Variants in FOXN3 observed in about 807,000 individuals in gnomAD.
FOXN3 encodes the protein forkhead box N3.
A neutral mutation model predicts 38.4 loss-of-function variants in FOXN3; 7 were observed. The observed-to-expected ratio is 0.18, with a 90% CI of 0.10 to 0.34. FOXN3 has a LOEUF of 0.34. FOXN3 is among the 10% of genes least tolerant of loss of function. The pLI, the probability that FOXN3 is intolerant of heterozygous loss-of-function variation, is 1.00. For missense variants in FOXN3, 456 were observed against 613.4 expected (o/e 0.74, Z 2.71); for synonymous variants, 230 against 242.2 (o/e 0.95, Z 0.47).
intron 4 of FOXN3, among the ~76,000 whole-genome samples, chr14:89,214,526 G>C (rs1054842409): frequency 9.2e-5 from 14 of 152,206 alleles, no homozygotes; most frequent in Non-Finnish European, 1.5e-4. Context: ...TTACTTTGGG[G>C]CACAAGAAGG....
At chr14:89,242,961 A>G (rs1385997739) in intron 4 of FOXN3, among the ~76,000 whole-genome samples, 1 of 152,222 alleles carries the variant, frequency 6.6e-6, no homozygotes, top group Non-Finnish European at 1.5e-5. Flanking sequence ...TAACAGCTTT[A>G]TTAAGGTGTA....
intron 3 of FOXN3, among the ~76,000 whole-genome samples, chr14:89,288,052 C>A (rs1011391470): frequency 2.0e-4 from 9 of 45,912 alleles, no homozygotes; most frequent in African/African-American, 5.1e-4. Context: ...CAGAGCAAGA[C>A]CCTGTCTCAA....
chr14:89,204,052 T>TAC (rs10559428), intron 4 of FOXN3, among the ~76,000 whole-genome samples: 3,660 of 133,668 alleles, frequency 0.027, 60 homozygotes, highest in South Asian at 0.045. Flanking sequence ...CATACTCCCT[T>TAC]ACACACACAC....
chr14:89,253,709 G>GCCTCCT (rs903042090), intron 4 of FOXN3, among the ~76,000 whole-genome samples: 1 of 151,716 alleles, frequency 6.6e-6, no homozygotes, highest in African/African-American at 2.4e-5. Context: ...TAAATCTTTG[G>GCCTCCT]CCTCCTCCTC....
chr14:89,505,009 G>A (rs962471025), intron 1 of FOXN3, among the ~76,000 whole-genome samples: 1 of 152,136 alleles, frequency 6.6e-6, no homozygotes, highest in Admixed American at 6.5e-5. Flanking sequence ...CTCCATCCTG[G>A]TCAGCGAAAT....
At chr14:89,584,398 C>T (rs573210965) in intron 1 of FOXN3, among the ~76,000 whole-genome samples, 1 of 152,012 alleles carries the variant, frequency 6.6e-6, no homozygotes, top group African/African-American at 2.4e-5. Context: ...GAAACTCCAT[C>T]TTGATAAATA....
chr14:89,288,548 GAACAA>G (rs3994033), intron 3 of FOXN3, among the ~76,000 whole-genome samples: 129,759 of 151,108 alleles, frequency 0.86, 56,419 homozygotes, highest in East Asian at 0.98. Context: ...AACATTATAC[GAACAA>G]AACTTTTATA....
intron 4 of FOXN3, among the ~76,000 whole-genome samples, chr14:89,204,530 T>C (rs1888326830): frequency 6.6e-6 from 1 of 152,338 alleles, no homozygotes; most frequent in African/African-American, 2.4e-5. Context: ...AAAAACTTTT[T>C]TATAGTTTTC....
chr14:89,473,917 T>A (rs752672088), intron 1 of FOXN3, among the ~76,000 whole-genome samples: 1 of 152,146 alleles, frequency 6.6e-6, no homozygotes, highest in Non-Finnish European at 1.5e-5. Flanking sequence ...ATTTGTAGTA[T>A]TCTCCCACGC....
At chr14:89,262,890 T>C (rs1338471064) in intron 4 of FOXN3, among the ~76,000 whole-genome samples, 1 of 152,224 alleles carries the variant, frequency 6.6e-6, no homozygotes, top group Non-Finnish European at 1.5e-5. Context: ...ACCTTAATCA[T>C]TTCAACAAAT....
intron 4 of FOXN3, among the ~76,000 whole-genome samples, chr14:89,193,187 G>GCAGGTGACTCGTA (rs1888008000): frequency 6.6e-6 from 1 of 152,010 alleles, no homozygotes; most frequent in Non-Finnish European, 1.5e-5. Flanking sequence ...CCCTGCCTCC[G>GCAGGTGACTCGTA]CAGGTGACTC....
chr14:89,611,805 CAAAAAAA>C (rs56373132), intron 1 of FOXN3, among the ~76,000 whole-genome samples: 59 of 89,252 alleles, frequency 6.6e-4, no homozygotes, highest in Admixed American at 1.3e-3. Context: ...GACTCCGTCT[CAAAAAAA>C]AAAAAAAAAA....
intron 1 of FOXN3, among the ~76,000 whole-genome samples, chr14:89,479,252 C>A (rs1484383656): frequency 1.3e-5 from 2 of 152,152 alleles, no homozygotes; most frequent in Non-Finnish European, 2.9e-5. Flanking sequence ...AGTCCTCTTT[C>A]CTGGAAGCCT....
intron 4 of FOXN3, among the ~76,000 whole-genome samples, chr14:89,201,386 A>G (rs962185863): frequency 3.9e-5 from 6 of 152,196 alleles, no homozygotes; most frequent in African/African-American, 1.4e-4. Flanking sequence ...TGCTTTGAAA[A>G]TGTCCTGCTT....
intron 1 of FOXN3, among the ~76,000 whole-genome samples, chr14:89,544,957 G>A (rs986806915): frequency 1.3e-5 from 2 of 152,204 alleles, no homozygotes; most frequent in African/African-American, 4.8e-5. Context: ...GTAACTCAAA[G>A]CATGAAGAGA....
intron 1 of FOXN3, among the ~76,000 whole-genome samples, chr14:89,509,594 C>T (rs1449061232): frequency 6.6e-6 from 1 of 152,232 alleles, no homozygotes; most frequent in Non-Finnish European, 1.5e-5. Flanking sequence ...CTCGGCCTCC[C>T]AAAGTGCTGG....
chr14:89,306,917 A>G (rs192282585), intron 3 of FOXN3, among the ~76,000 whole-genome samples: 31 of 152,030 alleles, frequency 2.0e-4, no homozygotes, highest in Admixed American at 2.0e-3. Context: ...ATTGGGACAC[A>G]ACACACTCAC....
rs542808506 is a variant in FOXN3, at chr14:89,442,213, A to G, written c.-14-29723T>C. On this transcript the variant is annotated intron_variant, in intron 1 of 6. Coordinates refer to the FOXN3 transcript ENST00000345097. ...AGTGCTGGGATTACAGCCGTGAGCC[A>G]CCGCGCCCGGGTGAAACTGGCTGAC... Among the ~76,000 whole-genome samples the G allele has an allele frequency of 1.1e-4, 16 of 152,220 alleles. No individual in the cohort carries two copies. The East Asian group carries it at 2.9e-3, about 28-fold the overall frequency.
chr14:89,440,978 C>A (rs1240812216), intron 1 of FOXN3, among the ~76,000 whole-genome samples: 2 of 152,122 alleles, frequency 1.3e-5, no homozygotes, highest in African/African-American at 4.8e-5. Flanking sequence ...CGTGTCCAAG[C>A]CATGAAGAGG....
Sources: allele counts gnomAD v4.1 joint callset (sites outside exome capture counted in the v4.1 genomes callset), GRCh38; gene constraint gnomAD v4.1.1; transcripts MANE v1.5; gene names NCBI Gene and HGNC (gene_info 2026-07-23, HGNC 2026-07-21).